FHIT: variants seen among roughly 807,000 people sequenced by gnomAD.
FHIT encodes the protein bis(5'-adenosyl)-triphosphatase.
FHIT carries 19 observed loss-of-function variants against 17.9 expected under a neutral mutation model. The ratio of observed to expected loss-of-function variants is 1.06; its 90% CI spans 0.74 to 1.56. FHIT has a LOEUF of 1.56. FHIT is among the 40% of genes most tolerant of loss of function. The pLI is 0.00. For synonymous variants in FHIT, 81 were observed against 69.7 expected (o/e 1.16, Z -0.81); for missense variants, 248 against 189.2 (o/e 1.31, Z -1.82).
intron 2 of FHIT, among the ~76,000 whole-genome samples, chr3:61,086,703 A>C (rs1248120514): frequency 6.6e-6 from 1 of 151,902 alleles, no homozygotes; most frequent in Non-Finnish European, 1.5e-5. Flanking sequence ...TCTTCTCTTT[A>C]TTTTGGCTGG....
chr3:60,131,012 T>TATATACAC (rs1699557576), intron 5 of FHIT, among the ~76,000 whole-genome samples: 1 of 129,404 alleles, frequency 7.7e-6, no homozygotes, highest in African/African-American at 3.0e-5. Context: ...CATATGTGTA[T>TATATACAC]ATATACACAT....
At chr3:60,868,405 A>G (rs1033413043) in intron 3 of FHIT, among the ~76,000 whole-genome samples, 1 of 152,052 alleles carries the variant, frequency 6.6e-6, no homozygotes, top group Non-Finnish European at 1.5e-5. Context: ...TGCTTGATAG[A>G]TTCCCCTCTC....
intron 5 of FHIT, among the ~76,000 whole-genome samples, chr3:60,532,049 A>G (rs1454535320): frequency 6.6e-6 from 1 of 152,220 alleles, no homozygotes; most frequent in Non-Finnish European, 1.5e-5. Flanking sequence ...CTAATGTTGT[A>G]TGGCCCTGGT....
chr3:60,076,479 C>G (rs1703012271), intron 5 of FHIT, among the ~76,000 whole-genome samples: 1 of 149,822 alleles, frequency 6.7e-6, no homozygotes, highest in African/African-American at 2.4e-5. Flanking sequence ...ACAAGCCACA[C>G]TGTGGGGTAA....
intron 4 of FHIT, among the ~76,000 whole-genome samples, chr3:60,554,257 A>G (rs1196810369): frequency 6.6e-6 from 1 of 151,784 alleles, no homozygotes; most frequent in Admixed American, 6.6e-5. Flanking sequence ...AAAAAAAAGA[A>G]CAAACAAAAC....
At chr3:59,957,499 G>A (rs1053117281) in intron 7 of FHIT, among the ~76,000 whole-genome samples, 2 of 152,232 alleles carry the variant, frequency 1.3e-5, no homozygotes, top group Non-Finnish European at 2.9e-5. Flanking sequence ...AACTAATGCA[G>A]TCAGTAAAGA....
At chr3:60,716,911 C>G (rs879986901) in intron 4 of FHIT, among the ~76,000 whole-genome samples, 1 of 152,136 alleles carries the variant, frequency 6.6e-6, no homozygotes, top group Non-Finnish European at 1.5e-5. Context: ...TGTCATTGAC[C>G]AGACCATTGT....
chr3:60,490,109 T>C (rs1447819705), intron 5 of FHIT, among the ~76,000 whole-genome samples: 1 of 152,092 alleles, frequency 6.6e-6, no homozygotes, highest in South Asian at 2.1e-4. Flanking sequence ...GAAACAATAT[T>C]CTACTAGCAA....
chr3:61,190,773 C>T (rs939425920), intron 2 of FHIT, among the ~76,000 whole-genome samples: 3 of 152,100 alleles, frequency 2.0e-5, no homozygotes, highest in Non-Finnish European at 2.9e-5. Context: ...GAGTTCATGT[C>T]CTTTGTAGGG....
chr3:60,425,149 T>A (rs2107276196), intron 5 of FHIT, among the ~76,000 whole-genome samples: 1 of 152,152 alleles, frequency 6.6e-6, no homozygotes, highest in East Asian at 1.9e-4. Flanking sequence ...ACTGCAACTA[T>A]CTGAAGCACC....
intron 4 of FHIT, among the ~76,000 whole-genome samples, chr3:60,802,265 G>A (rs539410006): frequency 1.2e-4 from 18 of 152,310 alleles, no homozygotes; most frequent in African/African-American, 4.3e-4. Context: ...ACCAGATGCT[G>A]GATCAAGCCA....
chr3:60,208,043 A>G (rs1257198943), intron 5 of FHIT, among the ~76,000 whole-genome samples: 2 of 152,196 alleles, frequency 1.3e-5, no homozygotes, highest in African/African-American at 4.8e-5. Context: ...AGTACTTGAC[A>G]GCAATGCTTT....
intron 5 of FHIT, among the ~76,000 whole-genome samples, chr3:60,040,371 CTT>C (rs944896584): frequency 1.3e-5 from 2 of 152,116 alleles, no homozygotes; most frequent in African/African-American, 4.8e-5. Context: ...GTCTCGATCT[CTT>C]GACCTGGTGA....
intron 2 of FHIT, among the ~76,000 whole-genome samples, chr3:61,145,925 C>A (rs1482986786): frequency 6.6e-6 from 1 of 151,964 alleles, no homozygotes; most frequent in Non-Finnish European, 1.5e-5. Context: ...TGCCAGTGCA[C>A]TTTTAACTTA....
intron 5 of FHIT, among the ~76,000 whole-genome samples, chr3:60,288,120 G>C (rs974743306): frequency 6.6e-6 from 1 of 152,166 alleles, no homozygotes; most frequent in Admixed American, 6.5e-5. Context: ...TCACTTACAA[G>C]GCTGGAAGTT....
chr3:61,155,585 T>C (rs1030920309), intron 2 of FHIT, among the ~76,000 whole-genome samples: 4 of 152,180 alleles, frequency 2.6e-5, no homozygotes, highest in Non-Finnish European at 5.9e-5. Flanking sequence ...GCTTCATTCA[T>C]CTTCTCCTTT....
chr3:61,239,284 A>G lies in FHIT; in HGVS notation c.-213+12017T>C, dbSNP rs552656088. Among the ~76,000 whole-genome samples, 10 of 152,304 alleles carry G rather than the reference A, an allele frequency of 6.6e-5. No homozygotes were observed. The East Asian group carries it at 1.2e-3, about 18-fold the overall frequency. The stretch of plus-strand genomic sequence containing the variant: ...GCCCTGTATGGCCTGGGCCCTATCT[A>G]TACAGCCAATTTCATCTGATGTCAG... On this transcript the variant is annotated intron_variant, in intron 1 of 9. Coordinates refer to ENST00000492590, the MANE Select transcript of FHIT (RefSeq NM_002012.4).
chr3:60,334,076 C>T (rs1384869135), intron 5 of FHIT, among the ~76,000 whole-genome samples: 1 of 152,184 alleles, frequency 6.6e-6, no homozygotes, highest in East Asian at 1.9e-4. Context: ...AGCCTTCTTC[C>T]TTGGCAATAC....
intron 8 of FHIT, 126 bp from the exon 9 acceptor site, chr3:59,752,447 T>G: frequency 1.7e-6 from 1 of 602,704 alleles, no homozygotes; most frequent in Non-Finnish European, 2.9e-6. Flanking sequence ...TATCTTTTAA[T>G]TGTTTCAGTT....
Sources: gnomAD v4.1 joint callset for allele counts (sites outside exome capture counted in the v4.1 genomes callset) on GRCh38, gnomAD v4.1.1 for gene constraint, MANE v1.5 for transcripts, NCBI Gene and HGNC (gene_info 2026-07-23, HGNC 2026-07-21) for gene names.